The following CEP63 variants were observed in gnomAD, a reference collection of about 807,000 sequenced individuals.
The protein encoded by CEP63 is centrosomal protein of 63 kDa.
In CEP63, 84 loss-of-function variants were observed where a neutral mutation model predicts 89.1. That is an observed-to-expected ratio of 0.94 (90% confidence interval 0.79 to 1.13). The LOEUF (loss-of-function observed/expected upper bound fraction) is 1.13, where lower values mean the gene tolerates loss of function less well. Ranked by LOEUF, CEP63 falls within the 50% of genes most tolerant of loss-of-function variation. CEP63 has a pLI of 0.00. For missense variants in CEP63, 838 were observed against 813.3 expected (o/e 1.03, Z -0.37); for synonymous variants, 267 against 272.5 (o/e 0.98, Z 0.20).
chr3:134,750,508 G>A, the CEP63 span, among the ~76,000 whole-genome samples: 1 of 152,228 alleles, frequency 6.6e-6, no homozygotes, highest in African/African-American at 2.4e-5. Flanking sequence ...TGGCAGCGCT[G>A]CTCTGAGCCC....
chr3:134,581,882 A>G (rs1958362031), intron 10 of CEP63, among the ~76,000 whole-genome samples: 1 of 151,402 alleles, frequency 6.6e-6, no homozygotes. Context: ...TCACCGTGTT[A>G]GCCAGGATGG....
the CEP63 span, among the ~76,000 whole-genome samples, chr3:134,640,936 TCA>T: frequency 6.6e-6 from 1 of 152,184 alleles, no homozygotes; most frequent in Non-Finnish European, 1.5e-5. Flanking sequence ...TGGTTTCCAA[TCA>T]CACTCAGATT....
chr3:134,547,629 T>TTTTTTTTTTTTTTTTTTTTTTTTTTA (rs1953800413), intron 9 of CEP63, among the ~76,000 whole-genome samples, 157 bp downstream of exon 9: 2 of 127,100 alleles, frequency 1.6e-5, no homozygotes, highest in African/African-American at 3.0e-5. Context: ...TTTTTTTTTT[T>TTTTTTTTTTTTTTTTTTTTTTTTTTA]GAGACGGAGT....
chr3:134,769,551 T>C, the CEP63 span, among the ~76,000 whole-genome samples: 1,290 of 152,322 alleles, frequency 8.5e-3, 15 homozygotes, highest in African/African-American at 0.028. Flanking sequence ...GACTCCAATA[T>C]CCACTGAAAA....
chr3:134,610,007 C>A, the CEP63 span, among the ~76,000 whole-genome samples: 2 of 152,052 alleles, frequency 1.3e-5, no homozygotes, highest in Admixed American at 1.3e-4. Flanking sequence ...GGTGAGGTGA[C>A]AAAAGGGTCT....
chr3:134,620,942 G>T, the CEP63 span: 5 of 796,676 alleles, frequency 6.3e-6, no homozygotes, highest in Non-Finnish European at 1.1e-5. Context: ...AGCCAGTGCT[G>T]CTCTTCCTCC....
chr3:134,624,471 G>C, the CEP63 span, among the ~76,000 whole-genome samples: 1 of 152,232 alleles, frequency 6.6e-6, no homozygotes, highest in East Asian at 1.9e-4. Context: ...TCAACACCTT[G>C]TTCCTCCTAT....
At chr3:134,707,739 C>CTTT in the CEP63 span, among the ~76,000 whole-genome samples, 28,725 of 120,332 alleles carry the variant, frequency 0.24, 4,415 homozygotes, top group African/African-American at 0.35. Flanking sequence ...TGATTCTTTT[C>CTTT]TTTTTTTTTT....
At chr3:134,525,182 G>T (rs1948381957) in intron 3 of CEP63, among the ~76,000 whole-genome samples, 1 of 152,140 alleles carries the variant, frequency 6.6e-6, no homozygotes. Flanking sequence ...GGTGTTTATA[G>T]TATTCTCTGA....
the CEP63 span, among the ~76,000 whole-genome samples, chr3:134,745,535 A>G: frequency 6.6e-6 from 1 of 152,170 alleles, no homozygotes; most frequent in African/African-American, 2.4e-5. Flanking sequence ...TTTCTTTTTT[A>G]AAATTATTAT....
At chr3:134,542,940 CAA>C (rs10645147) in intron 6 of CEP63, among the ~76,000 whole-genome samples, 7 of 147,612 alleles carry the variant, frequency 4.7e-5, no homozygotes, top group African/African-American at 1.5e-4. Flanking sequence ...GTGGTTAGTG[CAA>C]AAAAAAAAAA....
the CEP63 span, among the ~76,000 whole-genome samples, chr3:134,737,680 A>G: frequency 6.6e-6 from 1 of 152,264 alleles, no homozygotes; most frequent in Admixed American, 6.5e-5. Context: ...TGCTCTACAT[A>G]ATGTCTTCTG....
At chr3:134,711,839 T>C in the CEP63 span, among the ~76,000 whole-genome samples, 3 of 151,860 alleles carry the variant, frequency 2.0e-5, no homozygotes, top group Middle Eastern at 3.4e-3. Flanking sequence ...CTTGGCTCAC[T>C]GTAACCTCTG....
chr3:134,546,662 C>CTAGT (rs1270957235), intron 8 of CEP63, among the ~76,000 whole-genome samples: 1 of 152,164 alleles, frequency 6.6e-6, no homozygotes, highest in Non-Finnish European at 1.5e-5. Context: ...CATCCAAGCA[C>CTAGT]TAGTTTTCAT....
chr3:134,643,829 C>CTT, the CEP63 span, among the ~76,000 whole-genome samples: 62,386 of 142,984 alleles, frequency 0.44, 14,235 homozygotes, highest in East Asian at 0.67. Flanking sequence ...TCTCCTGCTT[C>CTT]TTTTTTTTTT....
the CEP63 span, among the ~76,000 whole-genome samples, chr3:134,732,164 C>G: frequency 6.6e-6 from 1 of 152,118 alleles, no homozygotes; most frequent in African/African-American, 2.4e-5. Context: ...TGTAAAGAAA[C>G]TGAACTTCAC....
intron 6 of CEP63, among the ~76,000 whole-genome samples, chr3:134,541,952 A>T (rs1354250648): frequency 6.6e-6 from 1 of 152,216 alleles, no homozygotes; most frequent in Non-Finnish European, 1.5e-5. Flanking sequence ...TAGGAAAAGG[A>T]TCAGTACAGT....
the CEP63 span, among the ~76,000 whole-genome samples, chr3:134,738,289 C>CACACACACACACACA: frequency 7.2e-6 from 1 of 138,850 alleles, no homozygotes; most frequent in African/African-American, 2.6e-5. Context: ...CACACACACA[C>CACACACACACACACA]CACAATATCT....
In CEP63 at chr3:134,559,287, G is replaced by A; in HGVS notation, c.1811G>A (p.Ser604Asn). ...CTAAGCCCCCTGAGTCCTCAAATCA[G>A]CCCTTGCAGCTCCACCAGGTCTTTG... ...RVLSPLSPQI[S>N]PCSSTRSLTS... Residue 604 changes from serine (S) to asparagine (N), a missense_variant, in exon 14 of 15, where the codon AGC (serine) becomes AAC (asparagine). Physicochemically the swap from Ser to Asn is conservative, Grantham distance 46 (BLOSUM62 1). Transcript: ENST00000675561. 1 of 1,614,092 alleles carries A rather than the reference G, an allele frequency of 6.2e-7. No homozygotes were observed. Among genetic ancestry groups the A allele is most frequent in the Admixed American group, 1.7e-5 (1 of 60,012 alleles).
Sources: allele counts gnomAD v4.1 joint callset (sites outside exome capture counted in the v4.1 genomes callset), GRCh38; gene constraint gnomAD v4.1.1; transcripts MANE v1.5; gene names NCBI Gene and HGNC (gene_info 2026-07-23, HGNC 2026-07-21).